The following CDH13 variants were observed in gnomAD, a reference collection of about 807,000 sequenced individuals.
The protein encoded by CDH13 is cadherin-13.
A neutral mutation model predicts 63.8 loss-of-function variants in CDH13; 24 were observed. The ratio of observed to expected loss-of-function variants is 0.38; its 90% CI spans 0.27 to 0.53. CDH13 has a LOEUF of 0.53. Among genes scored for constraint, CDH13 ranks in the 20% least tolerant of loss-of-function variants. The pLI, the probability that CDH13 is intolerant of heterozygous loss-of-function variation, is 0.85. For missense variants in CDH13, 1,049 were observed against 903.1 expected (o/e 1.16, Z -2.07); for synonymous variants, 503 against 355.3 (o/e 1.42, Z -4.67).
At chr16:83,789,652 A>G (rs905645087) in intron 13 of CDH13, among the ~76,000 whole-genome samples, 6 of 152,074 alleles carry the variant, frequency 3.9e-5, no homozygotes, top group African/African-American at 1.4e-4. Context: ...CCAGGCCTGA[A>G]ATTAGCTATT....
chr16:82,800,429 C>T (rs2036794519), intron 1 of CDH13, among the ~76,000 whole-genome samples: 1 of 152,146 alleles, frequency 6.6e-6, no homozygotes, highest in South Asian at 2.1e-4. Context: ...AATCATAAAT[C>T]AGAGTTCTTA....
At chr16:83,020,456 C>G (rs549997425) in intron 2 of CDH13, among the ~76,000 whole-genome samples, 48 of 152,324 alleles carry the variant, frequency 3.2e-4, no homozygotes, top group African/African-American at 1.2e-3. Context: ...AAGGTGCCAA[C>G]AGACCCTATG....
intron 10 of CDH13, among the ~76,000 whole-genome samples, chr16:83,691,523 A>G (rs1904881300): frequency 6.6e-6 from 1 of 152,074 alleles, no homozygotes; most frequent in African/African-American, 2.4e-5. Context: ...AGCCTTGCAA[A>G]GAAAAGTACA....
intron 8 of CDH13, among the ~76,000 whole-genome samples, chr16:83,644,836 G>A (rs556396429): frequency 2.3e-4 from 35 of 152,176 alleles, no homozygotes; most frequent in Admixed American, 3.9e-4. Context: ...GCATGAACTT[G>A]AACTTGCAGT....
chr16:83,279,843 T>TG (rs2089109194), intron 5 of CDH13, among the ~76,000 whole-genome samples: 1 of 34,034 alleles, frequency 2.9e-5, no homozygotes, highest in Non-Finnish European at 6.5e-5. Flanking sequence ...AGTCACATGA[T>TG]TTTTTTTTTT....
At chr16:83,122,495 T>C (rs1481230561) in intron 3 of CDH13, among the ~76,000 whole-genome samples, 1 of 152,190 alleles carries the variant, frequency 6.6e-6, no homozygotes, top group Non-Finnish European at 1.5e-5. Flanking sequence ...ACATGCTACT[T>C]GGAGAGTGCA....
At chr16:82,979,647 G>T (rs368774691) in intron 2 of CDH13, among the ~76,000 whole-genome samples, 3 of 152,132 alleles carry the variant, frequency 2.0e-5, no homozygotes, top group Middle Eastern at 3.2e-3. Context: ...TTCCCAAGCC[G>T]TGCAGAATTG....
At chr16:83,105,053 G>T (rs2034697472) in intron 3 of CDH13, among the ~76,000 whole-genome samples, 1 of 152,086 alleles carries the variant, frequency 6.6e-6, no homozygotes, top group Non-Finnish European at 1.5e-5. Flanking sequence ...AGGATGTGCA[G>T]GTTTGTTACA....
chr16:83,358,896 T>G (rs186281996), intron 6 of CDH13, among the ~76,000 whole-genome samples: 1 of 152,278 alleles, frequency 6.6e-6, no homozygotes, highest in African/African-American at 2.4e-5. Flanking sequence ...AGTGTAGTTA[T>G]TTTGATTTCC....
chr16:82,945,673 A>G (rs1317872445), intron 2 of CDH13, among the ~76,000 whole-genome samples: 2 of 152,126 alleles, frequency 1.3e-5, no homozygotes, highest in Non-Finnish European at 2.9e-5. Context: ...TCCCTCTTCT[A>G]TACTAAGTCC....
intron 6 of CDH13, among the ~76,000 whole-genome samples, chr16:83,377,039 G>C (rs2091472423): frequency 6.6e-6 from 1 of 152,104 alleles, no homozygotes; most frequent in Admixed American, 6.5e-5. Context: ...CACTATTCAT[G>C]GGAATAAAGG....
intron 5 of CDH13, among the ~76,000 whole-genome samples, chr16:83,340,445 A>G (rs754194293): frequency 2.6e-5 from 4 of 152,162 alleles, no homozygotes; most frequent in Non-Finnish European, 4.4e-5. Context: ...AGCAGGTGGC[A>G]AGACTCAGCC....
At chr16:83,015,939 A>C (rs1366051395) in intron 2 of CDH13, among the ~76,000 whole-genome samples, 1 of 151,842 alleles carries the variant, frequency 6.6e-6, no homozygotes, top group Admixed American at 6.6e-5. Context: ...AATAGGGTGG[A>C]AAGCAGCACA....
intron 7 of CDH13, among the ~76,000 whole-genome samples, chr16:83,582,144 G>C (rs1309827245): frequency 1.3e-5 from 2 of 152,122 alleles, no homozygotes; most frequent in Non-Finnish European, 2.9e-5. Flanking sequence ...AGAGTAGCAG[G>C]GTCCCAGGAT....
At chr16:83,078,390 C>T (rs957174530) in intron 3 of CDH13, among the ~76,000 whole-genome samples, 3 of 152,128 alleles carry the variant, frequency 2.0e-5, no homozygotes, top group Non-Finnish European at 4.4e-5. Context: ...CATAATCAGG[C>T]GTTTGTTAGA....
intron 2 of CDH13, 32 bp downstream of exon 2, chr16:82,858,505 C>G (rs758374468): frequency 2.4e-6 from 3 of 1,253,964 alleles, no homozygotes; most frequent in East Asian, 4.6e-5. Flanking sequence ...TGCTTTTAGA[C>G]TCTTCTCATA....
intron 4 of CDH13, among the ~76,000 whole-genome samples, chr16:83,205,836 C>T (rs573729295): frequency 2.6e-5 from 4 of 152,160 alleles, no homozygotes; most frequent in Middle Eastern, 3.4e-3. Context: ...ATCTCCTGAC[C>T]TTGTGATCCA....
chr16:83,391,210 C>CT (rs372320805), intron 6 of CDH13, among the ~76,000 whole-genome samples: 31,594 of 144,538 alleles, frequency 0.22, 3,453 homozygotes, highest in African/African-American at 0.27. Context: ...TGCCTACACA[C>CT]TTTTTTTTTT....
In CDH13 at chr16:82,899,158, G is replaced by T. The variant is rs546211205; in HGVS notation, c.157+40685G>T. Reference sequence around the variant, plus strand: ...TCCTTTACTGCAAGCTCAGTCCACAGGGTCTCACATTAGCTGAGTGTGTGG... The same window carrying T: ...TCCTTTACTGCAAGCTCAGTCCACATGGTCTCACATTAGCTGAGTGTGTGG... On this transcript the variant is annotated intron_variant, in intron 2 of 13. Coordinates refer to ENST00000567109, the MANE Select transcript of CDH13 (RefSeq NM_001257.5). 3.9e-5 allele frequency among the ~76,000 whole-genome samples: 6 copies of T among 152,316 alleles called. No individual in the cohort carries two copies. In the South Asian group the frequency reaches 1.2e-3, roughly 32 times the overall value.
Sources: gnomAD v4.1 joint callset for allele counts (sites outside exome capture counted in the v4.1 genomes callset) on GRCh38, gnomAD v4.1.1 for gene constraint, MANE v1.5 for transcripts, NCBI Gene and HGNC (gene_info 2026-07-23, HGNC 2026-07-21) for gene names.